USP25: variants seen among roughly 807,000 people sequenced by gnomAD.
USP25 encodes ubiquitin specific peptidase 25, also known as ubiquitin carboxyl-terminal hydrolase 25.
Under a neutral mutation model 158.5 loss-of-function variants are expected in USP25, and 85 were observed. That is an observed-to-expected ratio of 0.54 (90% CI 0.45 to 0.64). USP25 has a LOEUF of 0.64. Ranked by LOEUF, USP25 falls within the 30% of genes least tolerant of loss-of-function variation. USP25 has a pLI of 0.00. For missense variants in USP25, 1,242 were observed against 1,327.3 expected (o/e 0.94, Z 1.00); for synonymous variants, 464 against 460.4 (o/e 1.01, Z -0.10).
At chr21:15,845,374 T>C (rs1294524858) in intron 18 of USP25, among the ~76,000 whole-genome samples, 1 of 152,150 alleles carries the variant, frequency 6.6e-6, no homozygotes, top group African/African-American at 2.4e-5. Context: ...AAAAGATAAA[T>C]AAACATGTAT....
At chr21:15,750,163 T>C (rs948958362) in intron 1 of USP25, among the ~76,000 whole-genome samples, 2 of 151,054 alleles carry the variant, frequency 1.3e-5, no homozygotes, top group Admixed American at 6.6e-5. Context: ...AATTATACTT[T>C]AATGAAATCT....
At chr21:15,838,306 G>A (rs1320026449) in intron 17 of USP25, among the ~76,000 whole-genome samples, 2 of 151,956 alleles carry the variant, frequency 1.3e-5, no homozygotes, top group South Asian at 4.2e-4. Context: ...AAAGTTTTCT[G>A]TTAATAAGTT....
At position 15,877,802 on chromosome 21, in the gene USP25, A is replaced by G. The variant is rs1173065870; in HGVS notation, c.3016A>G (p.Asn1006Asp). The change falls in exon 25 of 26, where the codon AAT becomes GAT. Residue 1006 changes from asparagine (N) to aspartate (D), a missense_variant. Transcript: ENST00000400183. ...TTTCCTGCATTGCATTAAGAAATTA[A>G]ATGAGCAAGCCGCAGAACTCTTCGA... ...HYRRECLLKLNEQAAELFESG... is the reference protein window; with the variant it reads ...HYRRECLLKLDEQAAELFESG... 8 of 1,597,070 alleles carry G rather than the reference A, an allele frequency of 5.0e-6. No individual in the cohort carries two copies. Among genetic ancestry groups the G allele is most frequent in the Non-Finnish European group, 6.0e-6 (7 of 1,174,732 alleles).
intron 23 of USP25, among the ~76,000 whole-genome samples, chr21:15,873,077 ATTCT>A (rs1256890092): frequency 1.3e-5 from 2 of 151,974 alleles, no homozygotes; most frequent in African/African-American, 2.4e-5. Context: ...GGTAAAAGTA[ATTCT>A]TTATTAAATA....
chr21:15,852,746 C>CT (rs746287614), intron 20 of USP25, among the ~76,000 whole-genome samples: 15 of 152,104 alleles, frequency 9.9e-5, no homozygotes, highest in Non-Finnish European at 1.8e-4. Context: ...CTAATAATTA[C>CT]TATCATAAAA....
At position 15,783,978 on chromosome 21, in the gene USP25, TAAAGA is replaced by T. The variant is rs535962159; in HGVS notation, c.392+5960_392+5964del. ...GAGCGAGACTCCGTCTCAAAAAAAA[TAAAGA>T]AAAGAAAAAGAAATAGAGACGTTTC... On this transcript the variant is annotated intron_variant, in intron 4 of 25. Coordinates refer to ENST00000400183, the MANE Select transcript of USP25 (RefSeq NM_001283041.3). 3.1e-3 allele frequency among the ~76,000 whole-genome samples: 462 copies of T among 150,198 alleles called. 2 individuals are homozygous for T. The highest frequency in any genetic ancestry group is 4.0e-3 in the Non-Finnish European group (271 of 67,386).
intron 1 of USP25, among the ~76,000 whole-genome samples, chr21:15,752,530 T>C (rs2123325651): frequency 6.6e-6 from 1 of 152,332 alleles, no homozygotes; most frequent in South Asian, 2.1e-4. Context: ...GGGAATACTC[T>C]TAAGGGTCAT....
intron 22 of USP25, 55 bp from the exon 23 acceptor site, chr21:15,870,013 A>G: frequency 7.4e-7 from 1 of 1,349,866 alleles, no homozygotes; most frequent in Non-Finnish European, 1.0e-6. Context: ...GTACAGTTTC[A>G]TAGTACTTTT....
At chr21:15,834,186 T>C (rs2037947192) in intron 17 of USP25, among the ~76,000 whole-genome samples, 1 of 152,186 alleles carries the variant, frequency 6.6e-6, no homozygotes, top group African/African-American at 2.4e-5. Context: ...AACTATTAGC[T>C]GATGAAATCA....
At chr21:15,841,827 A>G (rs1166619173) in intron 17 of USP25, among the ~76,000 whole-genome samples, 1 of 152,236 alleles carries the variant, frequency 6.6e-6, no homozygotes, top group South Asian at 2.1e-4. Flanking sequence ...GTGGATGTTC[A>G]TTGTACATTG....
At chr21:15,859,969 GTA>G (rs1407045662) in intron 20 of USP25, among the ~76,000 whole-genome samples, 52 of 138,406 alleles carry the variant, frequency 3.8e-4, no homozygotes, top group African/African-American at 8.0e-4. Context: ...ATATATATAT[GTA>G]TATATATATA....
At position 15,747,739 on chromosome 21, in the gene USP25, A is replaced by C. The variant is rs557767024; in HGVS notation, c.46-15152A>C. Reference sequence around the variant, plus strand: ...CATGTTGTGGGTGGCATGGAGTGAGATTTCATTATGCACAGCACTCAGTCA... The same window carrying C: ...CATGTTGTGGGTGGCATGGAGTGAGCTTTCATTATGCACAGCACTCAGTCA... On this transcript the variant is annotated intron_variant, in intron 1 of 25. Transcript: ENST00000400183. Among the ~76,000 whole-genome samples, 138 of 152,294 alleles carry C rather than the reference A, an allele frequency of 9.1e-4. 2 individuals are homozygous for C. In the South Asian group the frequency reaches 0.027, roughly 30 times the overall value.
At chr21:15,829,215 A>G (rs375340241) in intron 14 of USP25, among the ~76,000 whole-genome samples, 10 of 152,060 alleles carry the variant, frequency 6.6e-5, no homozygotes, top group Middle Eastern at 3.4e-3. Flanking sequence ...TATAAAGGTA[A>G]ATTACATGTC....
intron 1 of USP25, among the ~76,000 whole-genome samples, chr21:15,750,241 T>C (rs2032900053): frequency 7.8e-6 from 1 of 128,288 alleles, no homozygotes; most frequent in African/African-American, 3.1e-5. Context: ...TTTTTTTCCT[T>C]GAGACAGAGT....
In USP25 at chr21:15,874,553, T is replaced by C. The variant is rs144095200; in HGVS notation, c.3009+27T>C. On this transcript the variant is annotated intron_variant, in intron 24 of 25. Coordinates refer to ENST00000400183, the MANE Select transcript of USP25 (RefSeq NM_001283041.3). ...TAAGTTGAATGCATATAGTATGATC[T>C]TATCATTTTGTCTGACATTGGGCAA... is the stretch of plus-strand genomic sequence containing the variant. The C allele has an allele frequency of 7.5e-5, 117 of 1,557,458 alleles. No homozygotes were observed. In the African/African-American group the frequency reaches 1.2e-3, roughly 16 times the overall value.
At chr21:15,868,438 C>T (rs1190807522) in intron 22 of USP25, among the ~76,000 whole-genome samples, 1 of 148,116 alleles carries the variant, frequency 6.8e-6, no homozygotes, top group Non-Finnish European at 1.5e-5. Context: ...TTAATTGTGA[C>T]TTGATTCTGC....
chr21:15,796,906 A>C (rs1474241165), intron 5 of USP25, among the ~76,000 whole-genome samples: 35 of 151,628 alleles, frequency 2.3e-4, no homozygotes. Context: ...ATAATAATTA[A>C]TATGTTCAAG....
At chr21:15,877,768 T>C in intron 24 of USP25, 28 bp from the exon 25 acceptor site, 1 of 1,489,048 alleles carries the variant, frequency 6.7e-7, no homozygotes, top group South Asian at 1.3e-5. Flanking sequence ...AAAAACCTAT[T>C]CTTTTTTTTT....
At chr21:15,801,293 T>C (rs554421315) in intron 6 of USP25, among the ~76,000 whole-genome samples, 1 of 151,674 alleles carries the variant, frequency 6.6e-6, no homozygotes, top group South Asian at 2.1e-4. Flanking sequence ...AGTTGCTATA[T>C]TTATGCTTAT....
Sources: gnomAD v4.1 joint callset for allele counts (sites outside exome capture counted in the v4.1 genomes callset) on GRCh38, gnomAD v4.1.1 for gene constraint, MANE v1.5 for transcripts, NCBI Gene and HGNC (gene_info 2026-07-23, HGNC 2026-07-21) for gene names.